The following CRB1 variants were observed in gnomAD, a reference collection of about 807,000 sequenced individuals.
The protein encoded by CRB1 is protein crumbs homolog 1.
A neutral mutation model predicts 120.0 loss-of-function variants in CRB1; 83 were observed. The observed-to-expected ratio is 0.69, with a 90% CI of 0.58 to 0.83. CRB1 has a LOEUF of 0.83. CRB1 is among the 40% of genes least tolerant of loss of function. The pLI is 0.00. For missense variants in CRB1, 1,699 were observed against 1,687.6 expected (o/e 1.01, Z -0.12); for synonymous variants, 625 against 612.5 (o/e 1.02, Z -0.30).
chr1:197,334,293 A>G (rs1247831629), intron 2 of CRB1, among the ~76,000 whole-genome samples: 1 of 152,256 alleles, frequency 6.6e-6, no homozygotes. Flanking sequence ...GCAGGCTTTT[A>G]TATAAAGCAC....
Position 197,435,183 on chromosome 1 carries a change from T to C in CRB1, c.3320T>C (p.Leu1107Pro), listed in dbSNP as rs62636276. The C allele has an allele frequency of 1.3e-5, 21 of 1,613,826 alleles. No homozygotes were observed. The highest frequency in any genetic ancestry group is 1.7e-5 in the Non-Finnish European group (20 of 1,179,874). Residue 1107 changes from leucine (L) to proline (P), a missense_variant, in exon 9 of 12, where the codon CTC (leucine) becomes CCC (proline). Physicochemically the swap from Leu to Pro is moderately conservative, Grantham distance 98. Coordinates refer to ENST00000367400, the MANE Select transcript of CRB1 (RefSeq NM_201253.3). Reference protein sequence around the residue: ...LSTIEIGGIYLSYFENVHGFI... With the variant: ...LSTIEIGGIYPSYFENVHGFI... Reference sequence around the variant, plus strand: ...ACAATAGAAATCGGAGGCATTTATCTCTCTTACTTTGAAAATGTTCATGGT... The same window carrying C: ...ACAATAGAAATCGGAGGCATTTATCCCTCTTACTTTGAAAATGTTCATGGT...
the CRB1 span, among the ~76,000 whole-genome samples, chr1:197,229,222 A>T: frequency 6.6e-6 from 1 of 152,226 alleles, no homozygotes; most frequent in East Asian, 1.9e-4. Context: ...TAGTAGCTCA[A>T]ACTGACAGAG....
intron 6 of CRB1, among the ~76,000 whole-genome samples, chr1:197,426,722 C>T (rs1039313940): frequency 1.1e-4 from 17 of 152,262 alleles, no homozygotes; most frequent in African/African-American, 4.1e-4. Context: ...TACTCCCAAC[C>T]AGGACCACAG....
At chr1:197,219,915 T>G in the CRB1 span, among the ~76,000 whole-genome samples, 4 of 152,250 alleles carry the variant, frequency 2.6e-5, no homozygotes, top group Admixed American at 2.6e-4. Flanking sequence ...ATTTTCATCC[T>G]TCCATGAGAA....
Position 197,268,307 on chromosome 1 carries a change from T to C in CRB1, c.-106T>C. ...AGTAGGGTGGGACAGAGATGGCACCTGGGGGTTCTGAGGCACCCGCTCCTC... is the reference window on the plus strand; with the variant it reads ...AGTAGGGTGGGACAGAGATGGCACCCGGGGGTTCTGAGGCACCCGCTCCTC... On this transcript the variant is annotated 5_prime_UTR_variant, in exon 1 of 12. Transcript: ENST00000367400. The C allele has an allele frequency of 1.2e-6, 1 of 810,140 alleles. No homozygotes were observed. Among genetic ancestry groups the C allele is most frequent in the Non-Finnish European group, 2.2e-6 (1 of 448,688 alleles). The allele number at this position is 810,140 out of a possible 1,614,324, so 50.2% of individuals were successfully genotyped here. A position where few individuals can be genotyped will look rare whatever the true frequency, so the allele number is the denominator to read the frequency against.
chr1:197,435,331 C>T lies in CRB1; in HGVS notation c.3468C>T (p.Asp1156=), dbSNP rs771091006. The T allele has an allele frequency of 6.2e-7, 1 of 1,613,662 alleles. No homozygotes were observed. Among genetic ancestry groups the T allele is most frequent in the African/African-American group, 1.3e-5 (1 of 74,894 alleles). Residue 1156 remains aspartate (D), a synonymous_variant, in exon 9 of 12, where the codon GAC becomes GAT. Transcript: ENST00000367400. ...NPCLHGGNCE[D]IYSSYHCSCP... is the part of the protein sequence containing the mutation. ...GTTTGCATGGAGGAAACTGTGAAGACATCTATAGCTCTTATCATTGCTCCT... is the reference window on the plus strand; with the variant it reads ...GTTTGCATGGAGGAAACTGTGAAGATATCTATAGCTCTTATCATTGCTCCT...
intron 1 of CRB1, among the ~76,000 whole-genome samples, chr1:197,304,697 C>G (rs554922350): frequency 2.0e-5 from 3 of 152,218 alleles, no homozygotes; most frequent in Non-Finnish European, 4.4e-5. Flanking sequence ...AATCATTTTC[C>G]TCTTTTGGCT....
chr1:197,278,409 C>T (rs1008179329), intron 1 of CRB1, among the ~76,000 whole-genome samples: 11 of 151,998 alleles, frequency 7.2e-5, no homozygotes, highest in African/African-American at 2.7e-4. Flanking sequence ...GTTTATAAAG[C>T]CACTTAGTCT....
chr1:197,271,613 G>A (rs137997765), intron 1 of CRB1, among the ~76,000 whole-genome samples: 119 of 152,230 alleles, frequency 7.8e-4, no homozygotes, highest in African/African-American at 2.8e-3. Flanking sequence ...TTCAAGAAGA[G>A]CTATTATTTT....
At chr1:197,453,524 G>GTATATATATATA (rs1195905915) in intron 11 of CRB1, among the ~76,000 whole-genome samples, 3 of 123,786 alleles carry the variant, frequency 2.4e-5, no homozygotes, top group African/African-American at 8.8e-5. Context: ...GTGTGTGTGT[G>GTATATATATATA]TATATATATA....
At chr1:197,208,950 C>T in the CRB1 span, among the ~76,000 whole-genome samples, 3 of 152,060 alleles carry the variant, frequency 2.0e-5, no homozygotes, top group East Asian at 1.9e-4. Flanking sequence ...AATGGAGTTA[C>T]GTTCCCAGGG....
intron 1 of CRB1, among the ~76,000 whole-genome samples, chr1:197,302,711 G>A (rs112058397): frequency 1.3e-5 from 2 of 152,100 alleles, no homozygotes; most frequent in Non-Finnish European, 2.9e-5. Context: ...CCATAAAGTC[G>A]ATGAAAGAAT....
chr1:197,273,849 T>C lies in CRB1; in HGVS notation c.70+5367T>C, dbSNP rs114110145. On this transcript the variant is annotated intron_variant, in intron 1 of 11. Coordinates refer to ENST00000367400, the MANE Select transcript of CRB1 (RefSeq NM_201253.3). ...TGATCTTGTGTATTTCCTGACCCAA[T>C]CCTAGCATAAATCACCATTTCTCCA... 5.6e-3 allele frequency among the ~76,000 whole-genome samples: 857 copies of C among 152,118 alleles called. 9 individuals are homozygous for C. The highest frequency in any genetic ancestry group is 0.02 in the African/African-American group (819 of 41,518).
At chr1:197,343,135 T>C (rs1659569457) in intron 2 of CRB1, among the ~76,000 whole-genome samples, 1 of 152,214 alleles carries the variant, frequency 6.6e-6, no homozygotes, top group Non-Finnish European at 1.5e-5. Context: ...CAGTTGTAAA[T>C]AATAGATGGT....
At chr1:197,247,064 GTA>G in the CRB1 span, among the ~76,000 whole-genome samples, 105 of 152,092 alleles carry the variant, frequency 6.9e-4, 1 homozygote, top group African/African-American at 1.9e-3. Flanking sequence ...TGTTAAAAAG[GTA>G]TATATACAGT....
intron 1 of CRB1, among the ~76,000 whole-genome samples, chr1:197,299,168 A>G (rs181048057): frequency 5.3e-5 from 8 of 152,258 alleles, no homozygotes; most frequent in Admixed American, 4.6e-4. Flanking sequence ...GTGACAATGG[A>G]CCAATTAATA....
intron 5 of CRB1, among the ~76,000 whole-genome samples, chr1:197,365,492 C>T (rs995104686): frequency 5.9e-5 from 9 of 152,038 alleles, no homozygotes; most frequent in Non-Finnish European, 1.3e-4. Context: ...CCTATGATGC[C>T]TCTGGGGAGG....
At chr1:197,474,321 C>T (rs936519162) in intron 11 of CRB1, among the ~76,000 whole-genome samples, 2 of 152,224 alleles carry the variant, frequency 1.3e-5, no homozygotes, top group Admixed American at 6.5e-5. Flanking sequence ...GGCAGAGCCA[C>T]GAATCAAACC....
At position 197,294,822 on chromosome 1, in the gene CRB1, C is replaced by T. The variant is rs144408114; in HGVS notation, c.70+26340C>T. On this transcript the variant is annotated intron_variant, in intron 1 of 11. Coordinates refer to ENST00000367400, the MANE Select transcript of CRB1 (RefSeq NM_201253.3). ...GTCGCAAGGACAAAAAACCAAACAC[C>T]GCATGTTCTCACTCATAGGCGGGAA... is the stretch of plus-strand genomic sequence containing the variant. Among the ~76,000 whole-genome samples the T allele has an allele frequency of 1.1e-3, 163 of 152,106 alleles. 2 individuals carry two copies. The East Asian group carries it at 0.022, about 21-fold the overall frequency.
Sources: gnomAD v4.1 joint callset for allele counts (sites outside exome capture counted in the v4.1 genomes callset) on GRCh38, gnomAD v4.1.1 for gene constraint, MANE v1.5 for transcripts, NCBI Gene and HGNC (gene_info 2026-07-23, HGNC 2026-07-21) for gene names.